Variants in SDK1 observed in about 807,000 individuals in gnomAD.
The protein encoded by SDK1 is sidekick cell adhesion molecule 1, also known as protein sidekick-1.
In SDK1, 157 loss-of-function variants were observed where a neutral mutation model predicts 245.5. The ratio of observed to expected loss-of-function variants is 0.64; its 90% CI spans 0.56 to 0.73. SDK1 has a LOEUF of 0.73. Among genes scored for constraint, SDK1 ranks in the 30% least tolerant of loss-of-function variants. The pLI is 0.00. For missense variants in SDK1, 3,583 were observed against 3,002.3 expected, an observed-to-expected ratio of 1.19 and a Z score of -4.52; for synonymous variants, 1,647 against 1,278.5, an observed-to-expected ratio of 1.29 and a Z score of -6.15.
intron 5 of SDK1, among the ~76,000 whole-genome samples, chr7:3,876,793 G>T (rs1781088109): frequency 6.6e-6 from 1 of 152,148 alleles, no homozygotes; most frequent in Admixed American, 6.5e-5. Context: ...TAGAGCTAAG[G>T]TAGGAGATAC....
At position 4,017,324 on chromosome 7, in the gene SDK1, G is replaced by A; in HGVS notation, c.2574G>A (p.Arg858=). 3 of 1,613,354 alleles carry A rather than the reference G, an allele frequency of 1.9e-6. No homozygotes were observed. The highest frequency in any genetic ancestry group is 2.5e-6 in the Non-Finnish European group (3 of 1,179,662). The change falls in exon 17 of 45, where the codon AGG becomes AGA. Residue 858 remains arginine, a synonymous_variant. Coordinates refer to ENST00000404826, the MANE Select transcript of SDK1 (RefSeq NM_152744.4). ...YNGAGLGVFS[R]AVTEYTLQGV... is the part of the protein sequence containing the mutation. ...GGGCCGGTCTGGGCGTCTTCAGCAG[G>A]GCAGTGACCGAGTACACCTTGCAGG...
At chr7:4,245,860 G>A in intron 44 of SDK1, 55 bp downstream of exon 44, 1 of 1,601,092 alleles carries the variant, frequency 6.2e-7, no homozygotes, top group Non-Finnish European at 8.5e-7. Context: ...CTTCTGCAGT[G>A]AGACTTCTGC....
rs1428840215 is a variant in SDK1 at position 3,869,814 on chromosome 7, A to T, written c.847+48231A>T. Among the ~76,000 whole-genome samples, 4 of 152,222 alleles carry T rather than the reference A, an allele frequency of 2.6e-5. No homozygotes were observed. In the East Asian group the frequency reaches 7.7e-4, roughly 29 times the overall value. ...AGGAGGGGGCTACAGTGTACACTTA[A>T]ATTAAAAACCAACCTAACACGTTGC... On this transcript the variant is annotated intron_variant, in intron 5 of 44. Transcript: ENST00000404826.
intron 1 of SDK1, among the ~76,000 whole-genome samples, chr7:3,433,462 G>C (rs1408614508): frequency 6.6e-6 from 1 of 151,874 alleles, no homozygotes. Flanking sequence ...CTGGATTATT[G>C]TATTTGGTTG....
intron 7 of SDK1, among the ~76,000 whole-genome samples, chr7:3,953,299 A>G (rs1457465712): frequency 1.3e-5 from 2 of 152,106 alleles, no homozygotes; most frequent in South Asian, 4.1e-4. Flanking sequence ...CCTGACCTTG[A>G]CTCTTCTAAA....
intron 5 of SDK1, among the ~76,000 whole-genome samples, chr7:3,899,257 T>C (rs530218135): frequency 1.3e-5 from 2 of 152,296 alleles, no homozygotes; most frequent in East Asian, 3.9e-4. Context: ...TACAGAAATA[T>C]TGCGCTTTAA....
intron 1 of SDK1, among the ~76,000 whole-genome samples, chr7:3,366,571 G>C (rs985610973): frequency 6.6e-6 from 1 of 152,098 alleles, no homozygotes; most frequent in African/African-American, 2.4e-5. Context: ...CACAAGAGCA[G>C]ATTTTTGCCA....
In SDK1 at chr7:3,628,826, C is replaced by T. The variant is rs1046323667; in HGVS notation, c.458+9587C>T. The stretch of plus-strand genomic sequence containing the variant: ...ATTGTGATCGCTGAGAGATGGAAGA[C>T]AAACAAGGTGAGCCCTATGTTTGCC... On this transcript the variant is annotated intron_variant, in intron 2 of 44. Transcript: ENST00000404826. 1.8e-4 allele frequency among the ~76,000 whole-genome samples: 28 copies of T among 152,148 alleles called. 1 individual carries two copies. The highest frequency in any genetic ancestry group is 4.4e-5 in the Non-Finnish European group (3 of 68,024).
chr7:4,127,337 A>G (rs762158325), intron 25 of SDK1, 44 bp from the exon 26 acceptor site: 22 of 1,396,848 alleles, frequency 1.6e-5, no homozygotes, highest in Non-Finnish European at 2.0e-5. Flanking sequence ...GTATGTAGAC[A>G]CTCTAGATTT....
chr7:4,240,147 G>C (rs1272183441), intron 42 of SDK1, among the ~76,000 whole-genome samples: 1 of 152,138 alleles, frequency 6.6e-6, no homozygotes, highest in Admixed American at 6.5e-5. Flanking sequence ...TGCTATTACA[G>C]AATCCTGTGT....
chr7:3,344,018 C>CAAAAAAAAAAAAAAAAAAAAAAAAA (rs397939224), intron 1 of SDK1, among the ~76,000 whole-genome samples: 1 of 122,546 alleles, frequency 8.2e-6, no homozygotes, highest in Non-Finnish European at 1.8e-5. Flanking sequence ...CACATACAAC[C>CAAAAAAAAAAAAAAAAAAAAAAAAA]AAAAAAAAAA....
intron 1 of SDK1, among the ~76,000 whole-genome samples, chr7:3,347,083 C>T (rs1370827696): frequency 6.6e-6 from 1 of 151,566 alleles, no homozygotes; most frequent in African/African-American, 2.4e-5. Context: ...GACTTTGCAT[C>T]TTCGTGCTTC....
chr7:3,710,866 G>C (rs1447663233), intron 4 of SDK1, among the ~76,000 whole-genome samples: 1 of 152,174 alleles, frequency 6.6e-6, no homozygotes, highest in Non-Finnish European at 1.5e-5. Flanking sequence ...ATTGAATGTT[G>C]CATCATTAAC....
chr7:3,854,862 A>G (rs538025139), intron 5 of SDK1, among the ~76,000 whole-genome samples: 1 of 152,318 alleles, frequency 6.6e-6, no homozygotes, highest in East Asian at 1.9e-4. Flanking sequence ...TAGAGAACAG[A>G]CAAAGTTGGA....
intron 13 of SDK1, among the ~76,000 whole-genome samples, chr7:3,986,661 C>T (rs962943249): frequency 3.3e-5 from 5 of 152,180 alleles, no homozygotes; most frequent in East Asian, 3.9e-4. Flanking sequence ...GAGTTCAAGA[C>T]CAACCTGGCC....
At chr7:4,059,354 T>C (rs1368883791) in intron 19 of SDK1, among the ~76,000 whole-genome samples, 2 of 152,324 alleles carry the variant, frequency 1.3e-5, no homozygotes, top group East Asian at 3.9e-4. Flanking sequence ...CAAAGAAGGT[T>C]ATTGTGTAAT....
At chr7:3,892,182 C>T (rs571370082) in intron 5 of SDK1, among the ~76,000 whole-genome samples, 1 of 152,202 alleles carries the variant, frequency 6.6e-6, no homozygotes, top group African/African-American at 2.4e-5. Context: ...TAATGGCAGC[C>T]CTACTTCTGT....
intron 14 of SDK1, among the ~76,000 whole-genome samples, chr7:4,007,417 A>C (rs970494116): frequency 6.6e-6 from 1 of 152,098 alleles, no homozygotes; most frequent in African/African-American, 2.4e-5. Flanking sequence ...TGCTCCCCTC[A>C]TCTACAGGAA....
chr7:3,400,967 G>C (rs2128573305), intron 1 of SDK1, among the ~76,000 whole-genome samples: 1 of 152,256 alleles, frequency 6.6e-6, no homozygotes, highest in South Asian at 2.1e-4. Flanking sequence ...GGACAGGACA[G>C]TGATGATGAG....
Sources: gnomAD v4.1 joint callset for allele counts (sites outside exome capture counted in the v4.1 genomes callset) on GRCh38, gnomAD v4.1.1 for gene constraint, MANE v1.5 for transcripts, NCBI Gene and HGNC (gene_info 2026-07-23, HGNC 2026-07-21) for gene names.